The following ADGRG6 variants were observed in gnomAD, a reference collection of about 807,000 sequenced individuals.
ADGRG6 encodes adhesion G protein-coupled receptor G6, also known as G-protein coupled receptor 126.
A neutral mutation model predicts 142.4 loss-of-function variants in ADGRG6; 84 were observed. The ratio of observed to expected loss-of-function variants is 0.59; its 90% CI spans 0.49 to 0.71. ADGRG6 has a LOEUF of 0.71. Ranked by LOEUF, ADGRG6 falls within the 30% of genes least tolerant of loss-of-function variation. ADGRG6 has a pLI of 0.00. For missense variants in ADGRG6, 1,367 were observed against 1,466.6 expected, an observed-to-expected ratio of 0.93 and a Z score of 1.11; for synonymous variants, 521 against 520.5, an observed-to-expected ratio of 1.00 and a Z score of -0.01.
At chr6:142,372,078 G>A (rs1362440074) in intron 4 of ADGRG6, among the ~76,000 whole-genome samples, 2 of 152,040 alleles carry the variant, frequency 1.3e-5, no homozygotes, top group Middle Eastern at 3.4e-3. Context: ...TGCTATTATT[G>A]GAAGTAGCTA....
intron 3 of ADGRG6, among the ~76,000 whole-genome samples, chr6:142,369,019 G>A (rs1367171833): frequency 1.3e-5 from 2 of 152,196 alleles, no homozygotes; most frequent in South Asian, 2.1e-4. Flanking sequence ...GTAAACTAAA[G>A]TCCATGATTC....
chr6:142,440,936 C>T, intron 24 of ADGRG6: 1 of 1,495,904 alleles, frequency 6.7e-7, no homozygotes, highest in Non-Finnish European at 9.0e-7. Context: ...ATTCCTTCAA[C>T]AAAAGTGGAT....
Position 142,370,530 on chromosome 6 carries a change from A to G in ADGRG6, c.806A>G (p.Lys269Arg). 1 of 1,613,806 alleles carries G rather than the reference A, an allele frequency of 6.2e-7. No homozygotes were observed. Among genetic ancestry groups the G allele is most frequent in the South Asian group, 1.1e-5 (1 of 91,068 alleles). Residue 269 changes from lysine (K) to arginine (R), a missense_variant, in exon 4 of 25, where the codon AAA becomes AGA. Physicochemically the swap from Lys to Arg is conservative, Grantham distance 26 (BLOSUM62 2). Coordinates refer to ENST00000367609, the MANE Select transcript of ADGRG6 (RefSeq NM_198569.3). ...TTGGGCTCTATTGGTGTAAATTTCA[A>G]AAGAAACTATGAAACAGTTCCATGT... ...NSLGSIGVNFKRNYETVPCDS... is the reference protein window; with the variant it reads ...NSLGSIGVNFRRNYETVPCDS...
intron 14 of ADGRG6, among the ~76,000 whole-genome samples, chr6:142,405,017 A>G (rs1024076020): frequency 2.0e-5 from 3 of 152,234 alleles, no homozygotes; most frequent in Admixed American, 6.5e-5. Context: ...AGAGTATAGT[A>G]TGTGAAGCAC....
intron 9 of ADGRG6, among the ~76,000 whole-genome samples, chr6:142,395,079 T>A (rs1583086312): frequency 6.6e-6 from 1 of 152,276 alleles, no homozygotes; most frequent in East Asian, 1.9e-4. Context: ...AGAGCTTTTT[T>A]TTTCTTTTCA....
intron 6 of ADGRG6, among the ~76,000 whole-genome samples, chr6:142,389,552 C>A (rs1259323209): frequency 6.6e-6 from 1 of 151,678 alleles, no homozygotes; most frequent in Non-Finnish European, 1.5e-5. Context: ...TTAAAGATTC[C>A]CCCCACCCAA....
At chr6:142,373,881 C>CTTTTTT (rs769498618) in intron 4 of ADGRG6, among the ~76,000 whole-genome samples, 61 of 93,794 alleles carry the variant, frequency 6.5e-4, no homozygotes, top group African/African-American at 1.0e-3. Context: ...TTTTTCTTTT[C>CTTTTTT]TTTTTTTTTT....
intron 23 of ADGRG6, among the ~76,000 whole-genome samples, chr6:142,437,798 C>A (rs1342163149): frequency 6.6e-6 from 1 of 151,770 alleles, no homozygotes; most frequent in East Asian, 1.9e-4. Context: ...AATTTAATAA[C>A]CCGTATACCC....
chr6:142,321,987 T>G (rs1778541825), intron 2 of ADGRG6, among the ~76,000 whole-genome samples: 1 of 152,162 alleles, frequency 6.6e-6, no homozygotes, highest in Non-Finnish European at 1.5e-5. Context: ...CACAACTTCT[T>G]TATTTGTTAG....
In ADGRG6 at chr6:142,411,387, C is replaced by T; in HGVS notation, c.2517C>T (p.His839=). The change falls in exon 18 of 25, where the codon CAC becomes CAT. Residue 839 remains histidine (H), a synonymous_variant. Coordinates refer to ENST00000367609, the MANE Select transcript of ADGRG6 (RefSeq NM_198569.3). The part of the protein sequence containing the change: ...DASETVCLCN[H]FTHFGVLMDL... ...GTGAGACAGTCTGCCTGTGTAACCA[C>T]TTCACACACTTTGGAGTTCTGATGG... The T allele has an allele frequency of 6.3e-7, 1 of 1,591,880 alleles. No individual in the cohort carries two copies. Among genetic ancestry groups the T allele is most frequent in the Non-Finnish European group, 8.6e-7 (1 of 1,159,844 alleles).
At chr6:142,342,474 G>A (rs1416883739) in intron 2 of ADGRG6, among the ~76,000 whole-genome samples, 1 of 152,020 alleles carries the variant, frequency 6.6e-6, no homozygotes, top group Non-Finnish European at 1.5e-5. Flanking sequence ...TAGGAGATAA[G>A]ATTCCTGCCA....
Position 142,309,453 on chromosome 6 carries a change from G to T in ADGRG6, c.3-91G>T, listed in dbSNP as rs569543073. 63 of 773,990 alleles carry T rather than the reference G, an allele frequency of 8.1e-5. No individual in the cohort carries two copies. In the African/African-American group the frequency reaches 1.1e-3, roughly 13 times the overall value. 47.9% of individuals were successfully genotyped at this position (773,990 alleles called of 1,614,324 possible). A position where few individuals can be genotyped will look rare whatever the true frequency, so the allele number is the denominator to read the frequency against. ...AAGGATGAAAAAGGTTTATTTTCCA[G>T]TCCCTACTGGAAACCTATAGTTTTT... is the stretch of plus-strand genomic sequence containing the variant. On this transcript the variant is annotated intron_variant, in intron 1 of 24. Coordinates refer to ENST00000367609, the MANE Select transcript of ADGRG6 (RefSeq NM_198569.3).
chr6:142,366,767 A>AAT (rs1253391569), intron 2 of ADGRG6, among the ~76,000 whole-genome samples: 1 of 151,758 alleles, frequency 6.6e-6, no homozygotes, highest in Non-Finnish European at 1.5e-5. Context: ...AAAAAAAAAA[A>AAT]AGATTCCTTT....
intron 2 of ADGRG6, among the ~76,000 whole-genome samples, chr6:142,329,371 A>G (rs555302816): frequency 1.3e-5 from 2 of 152,282 alleles, no homozygotes; most frequent in South Asian, 2.1e-4. Context: ...ATAATTTATT[A>G]GTAACTAAAA....
At chr6:142,424,622 C>G (rs1240410716) in intron 22 of ADGRG6, among the ~76,000 whole-genome samples, 1 of 150,844 alleles carries the variant, frequency 6.6e-6, no homozygotes, top group Non-Finnish European at 1.5e-5. Flanking sequence ...GGATATTGGT[C>G]TAAAATTCTC....
intron 9 of ADGRG6, among the ~76,000 whole-genome samples, chr6:142,395,836 A>G (rs1394501060): frequency 2.0e-5 from 3 of 152,170 alleles, no homozygotes; most frequent in African/African-American, 7.2e-5. Context: ...TGTTTTTTAA[A>G]AAAACTTTTC....
intron 2 of ADGRG6, among the ~76,000 whole-genome samples, chr6:142,315,056 A>T (rs1777971076): frequency 6.8e-6 from 1 of 147,838 alleles, no homozygotes; most frequent in Non-Finnish European, 1.5e-5. Context: ...TTTACCTGTA[A>T]AGTTTCTTCT....
chr6:142,402,037 G>A lies in ADGRG6; in HGVS notation c.1723G>A (p.Val575Ile). ...CCCATTGGTAACCTACTGGGGACCTGTTGATATCTCCAACTGTTTAAGTAA... is the reference window on the plus strand; with the variant it reads ...CCCATTGGTAACCTACTGGGGACCTATTGATATCTCCAACTGTTTAAGTAA... ...TNPLVTYWGP[V>I]DISNCLKEAN... Residue 575 changes from valine to isoleucine, a missense_variant, in exon 12 of 25, where the codon GTT (valine) becomes ATT (isoleucine). Around this residue, in one of 3 missense-constraint regions of ADGRG6, gnomAD observed 737 missense variants for 746.5 expected, o/e 0.99. Transcript: ENST00000367609. 6.4e-7 allele frequency: 1 copy of A among 1,552,816 alleles called. No homozygotes were observed. Among genetic ancestry groups the A allele is most frequent in the East Asian group, 2.3e-5 (1 of 43,980 alleles).
intron 22 of ADGRG6, among the ~76,000 whole-genome samples, chr6:142,421,856 A>C (rs1383492843): frequency 6.6e-6 from 1 of 152,222 alleles, no homozygotes; most frequent in Non-Finnish European, 1.5e-5. Context: ...CAGCACATTT[A>C]ATTATATTAA....
Sources: gnomAD v4.1 joint callset for allele counts (sites outside exome capture counted in the v4.1 genomes callset) on GRCh38, gnomAD v4.1.1 for gene constraint, gnomAD v4.1.1 regional missense constraint, MANE v1.5 for transcripts, NCBI Gene and HGNC (gene_info 2026-07-23, HGNC 2026-07-21) for gene names.